GALNT17: variants seen among roughly 807,000 people sequenced by gnomAD.
The protein encoded by GALNT17 is polypeptide N-acetylgalactosaminyltransferase 17, also known as UDP-GalNAc:polypeptide N-acetylgalactosaminyltransferase-like 3.
GALNT17 carries 29 observed loss-of-function variants against 63.7 expected under a neutral mutation model. The observed-to-expected ratio is 0.46, with a 90% CI of 0.34 to 0.62. The LOEUF (loss-of-function observed/expected upper bound fraction) is 0.62. Among genes scored for constraint, GALNT17 ranks in the 20% least tolerant of loss-of-function variants. The pLI is 0.01. For synonymous variants in GALNT17, 305 were observed against 318.3 expected (o/e 0.96, Z 0.45); for missense variants, 603 against 799.6 (o/e 0.75, Z 2.97).
At chr7:71,344,506 A>C (rs1792056761) in intron 2 of GALNT17, among the ~76,000 whole-genome samples, 1 of 152,148 alleles carries the variant, frequency 6.6e-6, no homozygotes, top group South Asian at 2.1e-4. Flanking sequence ...TCACATTTTC[A>C]GTAGATGCCA....
intron 5 of GALNT17, among the ~76,000 whole-genome samples, chr7:71,540,315 C>G (rs1788868628): frequency 6.6e-6 from 1 of 151,384 alleles, no homozygotes; most frequent in Non-Finnish European, 1.5e-5. Context: ...CTGGATTTCA[C>G]TATGTTGGCC....
intron 5 of GALNT17, among the ~76,000 whole-genome samples, chr7:71,561,197 GAC>G (rs1789250580): frequency 6.6e-6 from 1 of 152,120 alleles, no homozygotes; most frequent in African/African-American, 2.4e-5. Flanking sequence ...ATTTTTAGCA[GAC>G]ACAGGGTTTT....
At chr7:71,374,259 G>A (rs963204881) in intron 2 of GALNT17, among the ~76,000 whole-genome samples, 2 of 152,214 alleles carry the variant, frequency 1.3e-5, no homozygotes, top group African/African-American at 2.4e-5. Context: ...TTGGCTTTGT[G>A]AAAGTGACTC....
At chr7:71,464,711 C>T (rs1216990056) in intron 5 of GALNT17, among the ~76,000 whole-genome samples, 2 of 152,104 alleles carry the variant, frequency 1.3e-5, no homozygotes, top group African/African-American at 2.4e-5. Flanking sequence ...CCACTTGGTC[C>T]GTGGACAGGA....
intron 1 of GALNT17, among the ~76,000 whole-genome samples, chr7:71,233,133 T>C (rs1446127882): frequency 1.3e-5 from 2 of 152,212 alleles, no homozygotes; most frequent in Non-Finnish European, 2.9e-5. Context: ...GTTCGGCTGC[T>C]AACCCTGGTG....
At chr7:71,207,945 T>C (rs35137955) in intron 1 of GALNT17, among the ~76,000 whole-genome samples, 57,376 of 151,268 alleles carry the variant, frequency 0.38, 11,384 homozygotes, top group South Asian at 0.55. Flanking sequence ...TTTCTTTTTT[T>C]TTTTTTTGAG....
chr7:71,252,801 C>T (rs1281722244), intron 1 of GALNT17, among the ~76,000 whole-genome samples: 1 of 152,150 alleles, frequency 6.6e-6, no homozygotes, highest in Non-Finnish European at 1.5e-5. Context: ...TTCATAACTG[C>T]AAAGATAAAA....
chr7:71,265,101 TA>T (rs1562957596), intron 1 of GALNT17, among the ~76,000 whole-genome samples: 10 of 54,344 alleles, frequency 1.8e-4, no homozygotes, highest in East Asian at 9.8e-4. Context: ...ATAAATATTA[TA>T]TATATATATA....
intron 5 of GALNT17, among the ~76,000 whole-genome samples, chr7:71,430,304 G>A (rs1228250712): frequency 6.6e-6 from 1 of 152,190 alleles, no homozygotes; most frequent in Admixed American, 6.5e-5. Flanking sequence ...AATGCACCTA[G>A]GTTAGGTGCA....
chr7:71,145,091 G>A (rs118009982), intron 1 of GALNT17, among the ~76,000 whole-genome samples: 327 of 152,234 alleles, frequency 2.1e-3, no homozygotes, highest in Non-Finnish European at 3.6e-3. Flanking sequence ...TCATGGATTG[G>A]TCAGCATAAG....
chr7:71,408,760 G>A (rs1583926506), intron 3 of GALNT17, among the ~76,000 whole-genome samples: 1 of 151,834 alleles, frequency 6.6e-6, no homozygotes, highest in Non-Finnish European at 1.5e-5. Flanking sequence ...GTAGTTCCAG[G>A]TACTCAGGAG....
chr7:71,257,440 C>T (rs1583805026), intron 1 of GALNT17, among the ~76,000 whole-genome samples: 1 of 152,252 alleles, frequency 6.6e-6, no homozygotes, highest in South Asian at 2.1e-4. Flanking sequence ...TTTCCCAGCA[C>T]AGCCAGCACT....
At chr7:71,307,492 G>T (rs185207464) in intron 1 of GALNT17, among the ~76,000 whole-genome samples, 1 of 151,828 alleles carries the variant, frequency 6.6e-6, no homozygotes, top group Non-Finnish European at 1.5e-5. Flanking sequence ...GAGGAGACGG[G>T]CATCTAAACG....
At chr7:71,518,560 T>C (rs1788479092) in intron 5 of GALNT17, among the ~76,000 whole-genome samples, 1 of 152,212 alleles carries the variant, frequency 6.6e-6, no homozygotes, top group African/African-American at 2.4e-5. Context: ...AAAATCAATA[T>C]GGCTTGAGAT....
At chr7:71,674,011 C>T (rs973626011) in intron 8 of GALNT17, among the ~76,000 whole-genome samples, 5 of 152,192 alleles carry the variant, frequency 3.3e-5, no homozygotes, top group African/African-American at 1.2e-4. Context: ...AATGATGTCC[C>T]TTGAGCCGTA....
At chr7:71,290,119 T>C (rs1013957072) in intron 1 of GALNT17, among the ~76,000 whole-genome samples, 3 of 152,214 alleles carry the variant, frequency 2.0e-5, no homozygotes, top group African/African-American at 4.8e-5. Context: ...TGGATTTTAG[T>C]ATATGCATGA....
Position 71,235,124 on chromosome 7 carries a change from G to A in GALNT17, c.239-100426G>A, listed in dbSNP as rs571080036. On this transcript the variant is annotated intron_variant, in intron 1 of 10. Transcript: ENST00000333538. ...AAATCAGCTGGGTGTGGCATCGTGCGCCTGTAGTCCCAGCTACTCGGGAGG... is the reference window on the plus strand; with the variant it reads ...AAATCAGCTGGGTGTGGCATCGTGCACCTGTAGTCCCAGCTACTCGGGAGG... Among the ~76,000 whole-genome samples the A allele has an allele frequency of 8.5e-5, 13 of 152,100 alleles. No individual in the cohort carries two copies. In the East Asian group the frequency reaches 2.3e-3, roughly 27 times the overall value.
At chr7:71,225,298 T>G (rs1199475995) in intron 1 of GALNT17, among the ~76,000 whole-genome samples, 1 of 152,208 alleles carries the variant, frequency 6.6e-6, no homozygotes, top group Non-Finnish European at 1.5e-5. Context: ...AAATTGTGCT[T>G]CACTACCTTA....
At chr7:71,660,642 T>C (rs923425022) in intron 6 of GALNT17, among the ~76,000 whole-genome samples, 2 of 152,148 alleles carry the variant, frequency 1.3e-5, no homozygotes, top group Non-Finnish European at 2.9e-5. Context: ...GGGTACCCCT[T>C]TTGCTTCCAG....
Sources: allele counts gnomAD v4.1 joint callset (sites outside exome capture counted in the v4.1 genomes callset), GRCh38; gene constraint gnomAD v4.1.1; transcripts MANE v1.5; gene names NCBI Gene and HGNC (gene_info 2026-07-23, HGNC 2026-07-21).